Variants in PSMD7 observed in about 807,000 individuals in gnomAD.
The protein encoded by PSMD7 is proteasome 26S subunit, non-ATPase 7.
Under a neutral mutation model 36.4 loss-of-function variants are expected in PSMD7, and 13 were observed. The ratio of observed to expected loss-of-function variants is 0.36; its 90% CI spans 0.23 to 0.57. The LOEUF (loss-of-function observed/expected upper bound fraction) is 0.57, where lower values mean the gene tolerates loss of function less well. PSMD7 is among the 20% of genes least tolerant of loss of function. PSMD7 has a pLI of 0.83. For missense variants in PSMD7, 298 were observed against 393.6 expected, an observed-to-expected ratio of 0.76 and a Z score of 2.06; for synonymous variants, 186 against 151.0, an observed-to-expected ratio of 1.23 and a Z score of -1.70.
intron 3 of PSMD7, 46 bp downstream of exon 3, chr16:74,301,190 G>C: frequency 7.8e-7 from 1 of 1,285,618 alleles, no homozygotes; most frequent in Non-Finnish European, 1.1e-6. Context: ...ATTGAACTGT[G>C]TGTATGGGGG....
intron 5 of PSMD7, among the ~76,000 whole-genome samples, chr16:74,303,733 T>C (rs183729013): frequency 2.0e-5 from 3 of 152,258 alleles, no homozygotes; most frequent in Admixed American, 2.0e-4. Context: ...ATATACTTTT[T>C]TTTTTTTTAA....
chr16:74,300,512 C>A (rs1231480145), intron 2 of PSMD7: 2 of 391,702 alleles, frequency 5.1e-6, no homozygotes, highest in Non-Finnish European at 9.5e-6. Context: ...AGGCAGCTGG[C>A]ACAGTTTGTC....
intron 1 of PSMD7, among the ~76,000 whole-genome samples, chr16:74,298,156 CAA>C (rs75614540): frequency 1.8e-4 from 13 of 72,756 alleles, no homozygotes; most frequent in Non-Finnish European, 1.6e-4. Context: ...ACCCTGTCTC[CAA>C]AAAAAAAAAA....
chr16:74,302,397 AAAG>A, intron 5 of PSMD7, 105 bp downstream of exon 5: 2 of 923,044 alleles, frequency 2.2e-6, no homozygotes, highest in Non-Finnish European at 3.3e-6. Context: ...CTCCGTAACA[AAAG>A]AAGGTAGTTT....
At position 74,300,218 on chromosome 16, in the gene PSMD7, A is replaced by G; in HGVS notation, c.166+12A>G. 6.2e-7 allele frequency: 1 copy of G among 1,604,764 alleles called. No homozygotes were observed. Among genetic ancestry groups the G allele is most frequent in the Non-Finnish European group, 8.5e-7 (1 of 1,171,448 alleles). On this transcript the variant is annotated intron_variant, in intron 2 of 6. Coordinates refer to ENST00000219313, the MANE Select transcript of PSMD7 (RefSeq NM_002811.5). ...GAACAGTTTTGCAGGTAAAAGACAAATTTTATGTTTTTCCGAGCATGATTA... is the reference window on the plus strand; with the variant it reads ...GAACAGTTTTGCAGGTAAAAGACAAGTTTTATGTTTTTCCGAGCATGATTA...
At chr16:74,300,351 G>GTT in intron 2 of PSMD7, 145 bp downstream of exon 2, 1 of 713,030 alleles carries the variant, frequency 1.4e-6, no homozygotes, top group Non-Finnish European at 2.4e-6. Context: ...CCTGAAGATT[G>GTT]CACACTAGAC....
chr16:74,298,822 G>A (rs951312219), intron 1 of PSMD7, among the ~76,000 whole-genome samples: 9 of 152,064 alleles, frequency 5.9e-5, no homozygotes, highest in African/African-American at 1.4e-4. Flanking sequence ...TGCAGTGAGC[G>A]AAGATCACAC....
intron 1 of PSMD7, among the ~76,000 whole-genome samples, chr16:74,298,456 G>T (rs1011941516): frequency 1.3e-5 from 2 of 152,188 alleles, no homozygotes; most frequent in African/African-American, 4.8e-5. Context: ...ATCCGGAAAA[G>T]GACCCTCAGC....
chr16:74,299,707 T>C (rs564981732), intron 1 of PSMD7: 1 of 332,520 alleles, frequency 3.0e-6, no homozygotes, highest in Non-Finnish European at 6.0e-6. Context: ...TCCATCATCT[T>C]TATTCCAAAA....
At chr16:74,303,644 A>C (rs1597119525) in intron 5 of PSMD7, among the ~76,000 whole-genome samples, 1 of 152,278 alleles carries the variant, frequency 6.6e-6, no homozygotes, top group Non-Finnish European at 1.5e-5. Flanking sequence ...AGAGACAAAA[A>C]AGGGCTAAAA....
At chr16:74,301,379 T>C (rs1177935368) in intron 3 of PSMD7, among the ~76,000 whole-genome samples, 176 bp from the exon 4 acceptor site, 1 of 152,172 alleles carries the variant, frequency 6.6e-6, no homozygotes, top group Non-Finnish European at 1.5e-5. Context: ...GGCAGAAAAG[T>C]GAAGAACTAT....
intron 1 of PSMD7, chr16:74,299,592 C>T (rs1350340192): frequency 4.4e-6 from 2 of 454,576 alleles, no homozygotes; most frequent in South Asian, 3.1e-5. Context: ...GCCATGTTGC[C>T]CACGCTGCCC....
intron 1 of PSMD7, among the ~76,000 whole-genome samples, chr16:74,298,629 G>C (rs1203487161): frequency 7.9e-5 from 12 of 152,248 alleles, no homozygotes. Flanking sequence ...TTCGGAGACC[G>C]AGGTGGGCGG....
In PSMD7 at chr16:74,305,487, G is replaced by A. The variant is rs141835646; in HGVS notation, c.729G>A (p.Gln243=). The A allele has an allele frequency of 2.9e-5, 46 of 1,614,020 alleles. No individual in the cohort carries two copies. The highest frequency in any genetic ancestry group is 6.7e-5 in the African/African-American group (5 of 74,896). ...VFNLLPDVSL[Q]EFVKAFYLKT... is the part of the protein sequence containing the mutation. Reference sequence around the variant, plus strand: ...ACCTGCTGCCAGATGTCAGCCTGCAGGAGTTCGTCAAGGCCTTTTACCTGA... The same window carrying A: ...ACCTGCTGCCAGATGTCAGCCTGCAAGAGTTCGTCAAGGCCTTTTACCTGA... Residue 243 remains glutamine (Q), a synonymous_variant, in exon 7 of 7, where the codon CAG becomes CAA. Transcript: ENST00000219313.
rs1487056429 is a variant in PSMD7 at position 74,301,119 on chromosome 16, G to A, written c.234G>A (p.Met78Ile). ...TAGACCATGATTATTTGGAAAACAT[G>A]TATGGAATGTTTAAGAAAGTCAATG... ...WFLDHDYLEN[M>I]YGMFKKVNAR... Residue 78 changes from methionine to isoleucine, a missense_variant, in exon 3 of 7, where the codon ATG becomes ATA. Met to Ile is a conservative substitution (Grantham distance 10). Transcript: ENST00000219313. The A allele has an allele frequency of 1.2e-6, 2 of 1,610,134 alleles. No homozygotes were observed. Among genetic ancestry groups the A allele is most frequent in the Non-Finnish European group, 1.7e-6 (2 of 1,177,020 alleles).
chr16:74,304,089 C>T (rs949158282), intron 5 of PSMD7: 20 of 470,290 alleles, frequency 4.3e-5, no homozygotes, highest in African/African-American at 2.8e-4. Context: ...CGCACAGTGC[C>T]CCAGCAGACT....
Position 74,304,217 on chromosome 16 carries a change from A to T in PSMD7, c.439-86A>T, listed in dbSNP as rs528287969. 2,204 of 1,225,712 alleles carry T rather than the reference A, an allele frequency of 1.8e-3. 3 individuals carry two copies. The highest frequency in any genetic ancestry group is 2.3e-3 in the Non-Finnish European group (1,887 of 835,428). The allele number at this position is 1,225,712 out of a possible 1,614,324, so 75.9% of individuals were successfully genotyped here. The stretch of plus-strand genomic sequence containing the variant: ...ATGCACTCATTAAATGAGCTGACTT[A>T]AAGCAAAAGACTCAGGGTGCGAAAA... On this transcript the variant is annotated intron_variant, in intron 5 of 6. Transcript: ENST00000219313.
intron 6 of PSMD7, 98 bp downstream of exon 6, chr16:74,304,492 G>A (rs934186991): frequency 9.5e-5 from 94 of 991,074 alleles, no homozygotes; most frequent in South Asian, 4.5e-4. Context: ...CTGGGGTCTC[G>A]TCCTGGCCGT....
intron 5 of PSMD7, 103 bp downstream of exon 5, chr16:74,302,395 C>A: frequency 2.2e-6 from 2 of 925,456 alleles, no homozygotes; most frequent in Non-Finnish European, 3.3e-6. Context: ...GTCTCCGTAA[C>A]AAAAGAAGGT....
Sources: gnomAD v4.1 joint callset for allele counts (sites outside exome capture counted in the v4.1 genomes callset) on GRCh38, gnomAD v4.1.1 for gene constraint, MANE v1.5 for transcripts, NCBI Gene and HGNC (gene_info 2026-07-23, HGNC 2026-07-21) for gene names.